Variants in ZNF444 observed in about 807,000 individuals in gnomAD.
The protein encoded by ZNF444 is zinc finger protein 444.
A neutral mutation model predicts 14.4 loss-of-function variants in ZNF444; 8 were observed. That is an observed-to-expected ratio of 0.56 (90% confidence interval 0.33 to 1.00). The LOEUF is 1.00. Among genes scored for constraint, ZNF444 ranks in the 50% least tolerant of loss-of-function variants. The pLI, the probability that ZNF444 is intolerant of heterozygous loss-of-function variation, is 0.03. For synonymous variants in ZNF444, 258 were observed against 235.9 expected, an observed-to-expected ratio of 1.09 and a Z score of -0.86; for missense variants, 510 against 504.8, an observed-to-expected ratio of 1.01 and a Z score of -0.10.
chr19:56,138,667 G>C (rs2030666212), upstream of ZNF444, among the ~76,000 whole-genome samples: 1 of 152,094 alleles, frequency 6.6e-6, no homozygotes, highest in South Asian at 2.1e-4. Context: ...TAACAGAATG[G>C]TGGTTGGCCA....
chr19:56,134,198 G>A lies in ZNF444; in HGVS notation c.-197+1420G>A, dbSNP rs541010753. ...CATCCCTGCCCTGGGGGATCTTAGTGCTTCAAAGCACCATACAAAGAGAAA... is the reference window on the plus strand; with the variant it reads ...CATCCCTGCCCTGGGGGATCTTAGTACTTCAAAGCACCATACAAAGAGAAA... On this transcript the variant is annotated intron_variant, in intron 1 of 2. Transcript: ENST00000587467. Among the ~76,000 whole-genome samples, 7 of 152,262 alleles carry A rather than the reference G, an allele frequency of 4.6e-5. No homozygotes were observed. The South Asian group carries it at 1.2e-3, about 27-fold the overall frequency.
chr19:56,134,927 T>A (rs2030576871), intron 1 of ZNF444, among the ~76,000 whole-genome samples: 1 of 151,790 alleles, frequency 6.6e-6, no homozygotes, highest in African/African-American at 2.4e-5. Context: ...GAGACCTTAT[T>A]TCTTTAAAAA....
chr19:56,155,056 G>A (rs1331621415), intron 3 of ZNF444: 3 of 152,244 alleles, frequency 2.0e-5, no homozygotes, highest in Non-Finnish European at 2.9e-5. Context: ...CGATTCCTGA[G>A]CCCTCCAGGG....
intron 3 of ZNF444, chr19:56,150,594 T>C: frequency 2.2e-6 from 1 of 444,872 alleles, no homozygotes; most frequent in Non-Finnish European, 4.5e-6. Flanking sequence ...CTCTGGCACA[T>C]GATACTGGCT....
upstream of ZNF444, among the ~76,000 whole-genome samples, chr19:56,139,715 C>CAA (rs10690874): frequency 0.85 from 121,433 of 143,094 alleles, 52,911 homozygotes; most frequent in Non-Finnish European, 0.97. Context: ...AACAAAAAAC[C>CAA]AAAAAAAAAA....
intron 3 of ZNF444, among the ~76,000 whole-genome samples, chr19:56,148,950 T>G (rs914630419): frequency 6.6e-6 from 1 of 152,186 alleles, no homozygotes; most frequent in African/African-American, 2.4e-5. Flanking sequence ...TTCCAGCTCC[T>G]AGAGGCTGCC....
intron 1 of ZNF444, among the ~76,000 whole-genome samples, chr19:56,134,813 T>TA (rs144406728): frequency 0.017 from 2,448 of 143,402 alleles, 55 homozygotes; most frequent in African/African-American, 0.058. Flanking sequence ...GCCCTGTGTT[T>TA]AAAAAAAAAA....
chr19:56,142,668 C>T (rs937398953), intron 1 of ZNF444, among the ~76,000 whole-genome samples: 4 of 152,140 alleles, frequency 2.6e-5, no homozygotes, highest in Non-Finnish European at 4.4e-5. Flanking sequence ...ACTCCTGCTC[C>T]CAGCAGCCTC....
At chr19:56,158,439 A>G in intron 3 of ZNF444, 55 bp from the exon 4 acceptor site, 1 of 1,490,828 alleles carries the variant, frequency 6.7e-7, no homozygotes, top group Non-Finnish European at 9.1e-7. Flanking sequence ...TGGGAGAGGG[A>G]GAAATAGAGG....
chr19:56,152,204 T>C (rs2031624992), intron 3 of ZNF444, among the ~76,000 whole-genome samples: 1 of 151,980 alleles, frequency 6.6e-6, no homozygotes, highest in Admixed American at 6.6e-5. Flanking sequence ...TGGTGGCACA[T>C]GCCTGTAATC....
At chr19:56,148,378 C>T (rs748426398) in intron 3 of ZNF444, among the ~76,000 whole-genome samples, 1 of 152,066 alleles carries the variant, frequency 6.6e-6, no homozygotes, top group Non-Finnish European at 1.5e-5. Context: ...AGAGCAGTCG[C>T]GTGTTCCTCA....
rs779771442 is a variant in ZNF444, at chr19:56,145,545, C to T, written c.-196-702C>T. ...AGGTTGCAGTGAACCAAGATCGCAC[C>T]ATTGCACTCCATCCTGGGCAACAGA... On this transcript the variant is annotated intron_variant, in intron 1 of 4. Transcript: ENST00000337080. This position sits in a 1 kb window ranked among gnomAD's most constrained non-coding sequence, Gnocchi z 4.3. 2.0e-5 allele frequency among the ~76,000 whole-genome samples: 3 copies of T among 152,034 alleles called. No individual in the cohort carries two copies. The highest frequency in any genetic ancestry group is 4.4e-5 in the Non-Finnish European group (3 of 68,006).
chr19:56,155,789 C>G (rs1404098092), intron 3 of ZNF444: 3 of 152,242 alleles, frequency 2.0e-5, no homozygotes, highest in Admixed American at 2.0e-4. Context: ...ACGTCTGTGA[C>G]CAAATGTTGG....
In ZNF444 at chr19:56,133,122, G is replaced by A. The variant is rs10416212; in HGVS notation, c.-197+344G>A. On this transcript the variant is annotated intron_variant, in intron 1 of 2. Transcript: ENST00000587467. The stretch of plus-strand genomic sequence containing the variant: ...CCGGCTTATTTTTGTATTTTTAGTA[G>A]AGATGTGGTTTCACCATGTTGGCCA... 3.4e-3 allele frequency among the ~76,000 whole-genome samples: 523 copies of A among 151,874 alleles called. 3 individuals carry two copies. The highest frequency in any genetic ancestry group is 4.7e-3 in the Non-Finnish European group (319 of 67,926).
chr19:56,153,170 G>C (rs901476), intron 3 of ZNF444, among the ~76,000 whole-genome samples: 4 of 152,020 alleles, frequency 2.6e-5, no homozygotes, highest in African/African-American at 9.7e-5. Context: ...GGGGACATTT[G>C]GGAATCACAG....
chr19:56,138,792 C>CTTTTTTTTT (rs59273024), upstream of ZNF444, among the ~76,000 whole-genome samples: 2 of 92,872 alleles, frequency 2.2e-5, no homozygotes, highest in Non-Finnish European at 3.8e-5. Flanking sequence ...CTTGAATGTA[C>CTTTTTTTTT]TTTTTTTTTT....
At chr19:56,141,998 C>T (rs573239887) in intron 1 of ZNF444, among the ~76,000 whole-genome samples, 2 of 152,026 alleles carry the variant, frequency 1.3e-5, no homozygotes, top group East Asian at 1.9e-4. Context: ...TTATTACCTT[C>T]GGTAATATGT....
At chr19:56,148,553 C>G (rs1378781458) in intron 3 of ZNF444, among the ~76,000 whole-genome samples, 3 of 152,102 alleles carry the variant, frequency 2.0e-5, no homozygotes, top group Admixed American at 2.0e-4. Flanking sequence ...TCATCCGTCT[C>G]CCTTCTCATG....
intron 1 of ZNF444, among the ~76,000 whole-genome samples, chr19:56,143,830 C>T (rs2030992260): frequency 6.6e-6 from 1 of 151,846 alleles, no homozygotes; most frequent in Non-Finnish European, 1.5e-5. Flanking sequence ...GGGGGAAGGG[C>T]ACGTGGGTGC....
Sources: gnomAD v4.1 joint callset for allele counts (sites outside exome capture counted in the v4.1 genomes callset) on GRCh38, gnomAD v4.1.1 for gene constraint, Gnocchi (gnomAD v3.1) non-coding constraint, MANE v1.5 for transcripts, NCBI Gene and HGNC (gene_info 2026-07-23, HGNC 2026-07-21) for gene names.